NEDD4: variants seen among roughly 807,000 people sequenced by gnomAD.
NEDD4 encodes the protein E3 ubiquitin-protein ligase NEDD4.
A neutral mutation model predicts 144.9 loss-of-function variants in NEDD4; 99 were observed. The observed-to-expected ratio is 0.68, with a 90% CI of 0.58 to 0.81. NEDD4 has a LOEUF of 0.81. Among genes scored for constraint, NEDD4 ranks in the 30% least tolerant of loss-of-function variants. The pLI is 0.00. For missense variants in NEDD4, 985 were observed against 1,065.9 expected (o/e 0.92, Z 1.06); for synonymous variants, 318 against 350.6 (o/e 0.91, Z 1.04).
At chr15:55,834,330 G>A (rs1187112477) in intron 24 of NEDD4, 44 bp from the exon 25 acceptor site, 1 of 1,297,266 alleles carries the variant, frequency 7.7e-7, no homozygotes, top group African/African-American at 1.5e-5. Context: ...CAGGGCCAAT[G>A]GCCTTTCCTA....
chr15:55,839,999 A>AATATAT (rs1176994871), intron 21 of NEDD4, among the ~76,000 whole-genome samples: 283 of 25,634 alleles, frequency 0.011, 1 homozygote, highest in Admixed American at 0.016. Flanking sequence ...AAAAAAAAAA[A>AATATAT]ATATATATAT....
chr15:55,987,115 A>G (rs1316953554), intron 1 of NEDD4: 5 of 120,300 alleles, frequency 4.2e-5, no homozygotes, highest in East Asian at 2.5e-4. Flanking sequence ...CTATTTCTCC[A>G]CATCCTCTCC....
rs200363177 is a variant in NEDD4 at position 55,993,525 on chromosome 15, G to A, written c.31C>T (p.Leu11Phe). 201 of 1,597,762 alleles carry A rather than the reference G, an allele frequency of 1.3e-4. No homozygotes were observed. The highest frequency in any genetic ancestry group is 2.3e-4 in the Middle Eastern group (1 of 4,420). The change falls in exon 1 of 29, where the codon CTC (leucine) becomes TTC (phenylalanine). Residue 11 changes from leucine to phenylalanine, a missense_variant. Coordinates refer to ENST00000435532, the MANE Select transcript of NEDD4 (RefSeq NM_006154.4). ...GGTCCCCGCACCTCGTCCTCCAGGA[G>A]CCCGAACACCTCCACCGCGCAAGTT... MATCAVEVFG[L>F]LEDEENSRIV... is the part of the protein sequence containing the mutation.
At chr15:55,883,694 CAA>C (rs757622518) in intron 5 of NEDD4, among the ~76,000 whole-genome samples, 1,730 of 50,526 alleles carry the variant, frequency 0.034, 15 homozygotes, top group Non-Finnish European at 0.049. Context: ...CACACACACA[CAA>C]ACACACACAC....
chr15:55,947,357 C>T (rs1219491024), intron 4 of NEDD4, among the ~76,000 whole-genome samples: 3 of 152,158 alleles, frequency 2.0e-5, no homozygotes, highest in Non-Finnish European at 2.9e-5. Context: ...ATACAAACTA[C>T]AAACTACCAT....
intron 1 of NEDD4, among the ~76,000 whole-genome samples, chr15:55,992,517 T>C (rs1321158230): frequency 6.6e-6 from 1 of 152,222 alleles, no homozygotes; most frequent in Non-Finnish European, 1.5e-5. Flanking sequence ...CTGGGTCTCA[T>C]CTTGATAAAA....
chr15:55,846,437 G>A (rs1161982574), intron 18 of NEDD4, among the ~76,000 whole-genome samples: 2 of 152,308 alleles, frequency 1.3e-5, no homozygotes, highest in East Asian at 1.9e-4. Context: ...CATTTGTGGC[G>A]ATGGGAAAAA....
intron 1 of NEDD4, among the ~76,000 whole-genome samples, chr15:55,967,026 A>ACAGGCATGCG (rs1368421187): frequency 1.3e-5 from 2 of 152,090 alleles, no homozygotes; most frequent in African/African-American, 4.8e-5. Context: ...AGCTGAGATT[A>ACAGGCATGCG]CAGGCATGCG....
At chr15:55,882,388 CT>C (rs1284435730) in intron 5 of NEDD4, among the ~76,000 whole-genome samples, 1 of 152,140 alleles carries the variant, frequency 6.6e-6, no homozygotes, top group African/African-American at 2.4e-5. Flanking sequence ...GACAGTGGGA[CT>C]TTGCATTGGA....
chr15:55,888,696 T>C (rs1332486473), intron 5 of NEDD4, among the ~76,000 whole-genome samples: 1 of 152,158 alleles, frequency 6.6e-6, no homozygotes, highest in African/African-American at 2.4e-5. Flanking sequence ...TTACCTGACA[T>C]CAAATTACAT....
At chr15:55,870,163 G>A (rs1397729396) in intron 7 of NEDD4, among the ~76,000 whole-genome samples, 1 of 152,190 alleles carries the variant, frequency 6.6e-6, no homozygotes, top group African/African-American at 2.4e-5. Context: ...TGGTCCAGAG[G>A]TCATGCAAAA....
intron 1 of NEDD4, among the ~76,000 whole-genome samples, chr15:55,971,215 C>T (rs1422404667): frequency 1.3e-5 from 2 of 151,860 alleles, no homozygotes; most frequent in Admixed American, 6.6e-5. Context: ...AAAGAATTAG[C>T]GAGCTTGAAG....
chr15:55,860,854 G>T, intron 9 of NEDD4, 76 bp from the exon 10 acceptor site: 1 of 1,319,226 alleles, frequency 7.6e-7, no homozygotes, highest in Non-Finnish European at 1.1e-6. Flanking sequence ...TGTGATCATT[G>T]GGAAAAAAAT....
intron 5 of NEDD4, among the ~76,000 whole-genome samples, 188 bp from the exon 6 acceptor site, chr15:55,874,196 T>G (rs1566925520): frequency 6.6e-6 from 1 of 152,154 alleles, no homozygotes; most frequent in East Asian, 1.9e-4. Context: ...ATATATTAGA[T>G]TAATCCTTCT....
chr15:55,856,111 T>A lies in NEDD4; in HGVS notation c.1026+20A>T. On this transcript the variant is annotated intron_variant, in intron 12 of 28. Coordinates refer to ENST00000435532, the MANE Select transcript of NEDD4 (RefSeq NM_006154.4). ...TGAGTTTTATATTTTTATTGATTGA[T>A]GGGAGAGGGTAAAACTCACCACAGG... The A allele has an allele frequency of 6.3e-7, 1 of 1,595,604 alleles. No individual in the cohort carries two copies. The highest frequency in any genetic ancestry group is 8.6e-7 in the Non-Finnish European group (1 of 1,163,396).
intron 4 of NEDD4, among the ~76,000 whole-genome samples, chr15:55,950,178 C>T (rs939280004): frequency 3.3e-5 from 5 of 152,078 alleles, no homozygotes; most frequent in East Asian, 1.9e-4. Flanking sequence ...CTTCATTTGA[C>T]GATCCAATTG....
chr15:55,849,375 C>A (rs1290085538), intron 14 of NEDD4, among the ~76,000 whole-genome samples: 1 of 152,102 alleles, frequency 6.6e-6, no homozygotes, highest in Non-Finnish European at 1.5e-5. Flanking sequence ...CAGGCATGCA[C>A]CACCATGCCT....
At chr15:55,940,552 C>T (rs1189260412) in intron 4 of NEDD4, among the ~76,000 whole-genome samples, 1 of 150,828 alleles carries the variant, frequency 6.6e-6, no homozygotes, top group Non-Finnish European at 1.5e-5. Flanking sequence ...CTCTGCCTCT[C>T]TGCCTCTCTC....
chr15:55,916,788 T>A (rs1251237982), intron 5 of NEDD4: 1 of 1,610,122 alleles, frequency 6.2e-7, no homozygotes. Context: ...AGGGTAAGTA[T>A]TGCTTCTTCT....
Sources: allele counts gnomAD v4.1 joint callset (sites outside exome capture counted in the v4.1 genomes callset), GRCh38; gene constraint gnomAD v4.1.1; transcripts MANE v1.5; gene names NCBI Gene and HGNC (gene_info 2026-07-23, HGNC 2026-07-21).